ANKS1B: variants seen among roughly 807,000 people sequenced by gnomAD.
The protein encoded by ANKS1B is ankyrin repeat and sterile alpha motif domain containing 1B.
Under a neutral mutation model 148.3 loss-of-function variants are expected in ANKS1B, and 36 were observed. That is an observed-to-expected ratio of 0.24 (90% CI 0.19 to 0.32). The LOEUF (loss-of-function observed/expected upper bound fraction) is 0.32. ANKS1B is among the 10% of genes least tolerant of loss of function. The pLI, the probability that ANKS1B is intolerant of heterozygous loss-of-function variation, is 1.00. For missense variants in ANKS1B, 1,157 were observed against 1,542.6 expected, an observed-to-expected ratio of 0.75 and a Z score of 4.19; for synonymous variants, 542 against 560.8, an observed-to-expected ratio of 0.97 and a Z score of 0.47.
At chr12:99,572,623 TCAGC>T (rs1482474283) in intron 9 of ANKS1B, among the ~76,000 whole-genome samples, 2 of 152,138 alleles carry the variant, frequency 1.3e-5, no homozygotes, top group Non-Finnish European at 2.9e-5. Flanking sequence ...TGTGGGCTAT[TCAGC>T]AGGGAAACTA....
intron 17 of ANKS1B, among the ~76,000 whole-genome samples, chr12:98,879,995 C>A (rs1005970086): frequency 6.6e-6 from 1 of 152,080 alleles, no homozygotes; most frequent in African/African-American, 2.4e-5. Flanking sequence ...TCTTCCTTTG[C>A]ACAGTAGGAA....
chr12:99,653,650 A>ACATTTTTTT (rs2098435854), intron 9 of ANKS1B, among the ~76,000 whole-genome samples: 1 of 149,490 alleles, frequency 6.7e-6, no homozygotes, highest in Non-Finnish European at 1.5e-5. Flanking sequence ...GATAAAGAAG[A>ACATTTTTTT]CATTTTTTTC....
intron 11 of ANKS1B, among the ~76,000 whole-genome samples, chr12:99,416,041 C>T (rs139321946): frequency 6.6e-6 from 1 of 152,284 alleles, no homozygotes; most frequent in Non-Finnish European, 1.5e-5. Flanking sequence ...ACCTTAACTC[C>T]TGGTAACTAC....
Position 99,754,627 on chromosome 12 carries a change from C to T in ANKS1B, c.1128+18295G>A, listed in dbSNP as rs143096636. On this transcript the variant is annotated intron_variant, in intron 8 of 26. Transcript: ENST00000683438. ...ACACACCTTGGCAAATGCAAAAGAA[C>T]TGAAAATCATAACAAACAGTCTCTC... Among the ~76,000 whole-genome samples the T allele has an allele frequency of 2.0e-4, 31 of 152,198 alleles. No individual in the cohort carries two copies. The East Asian group carries it at 3.9e-3, about 19-fold the overall frequency.
At chr12:99,462,922 T>C (rs1037744622) in intron 10 of ANKS1B, among the ~76,000 whole-genome samples, 3 of 152,198 alleles carry the variant, frequency 2.0e-5, no homozygotes, top group African/African-American at 7.2e-5. Context: ...CCTTCCACCA[T>C]GAGTAAAGGT....
intron 1 of ANKS1B, among the ~76,000 whole-genome samples, chr12:99,933,847 C>T (rs970832220): frequency 1.1e-4 from 17 of 151,970 alleles, no homozygotes; most frequent in Admixed American, 7.9e-4. Flanking sequence ...TCCATTTTTC[C>T]CCATTCAGTA....
At chr12:99,647,603 TG>T (rs2098383133) in intron 9 of ANKS1B, 1 of 151,998 alleles carries the variant, frequency 6.6e-6, no homozygotes, top group Non-Finnish European at 1.4e-5. Flanking sequence ...TGCTGAGCTG[TG>T]GAGGGCGGTG....
intron 12 of ANKS1B, among the ~76,000 whole-genome samples, chr12:99,338,102 C>T (rs1161458159): frequency 6.6e-6 from 1 of 152,150 alleles, no homozygotes; most frequent in African/African-American, 2.4e-5. Flanking sequence ...GGCTTGTGTA[C>T]TTCCCTTCAG....
chr12:99,037,969 C>G (rs1327977109), intron 17 of ANKS1B, among the ~76,000 whole-genome samples: 1 of 152,158 alleles, frequency 6.6e-6, no homozygotes, highest in Admixed American at 6.5e-5. Context: ...AAGGGCACAC[C>G]TCTATTCCCC....
intron 8 of ANKS1B, among the ~76,000 whole-genome samples, chr12:99,738,232 A>C (rs1415787333): frequency 6.6e-6 from 1 of 152,166 alleles, no homozygotes; most frequent in African/African-American, 2.4e-5. Flanking sequence ...ACTACTTTTT[A>C]CCAAACTCCT....
intron 20 of ANKS1B, among the ~76,000 whole-genome samples, chr12:98,806,703 T>C (rs2099053448): frequency 6.6e-6 from 1 of 152,206 alleles, no homozygotes; most frequent in South Asian, 2.1e-4. Context: ...CAGGATGTTG[T>C]AGTTGTTCTT....
At chr12:99,786,897 A>T (rs2065063336) in intron 4 of ANKS1B, among the ~76,000 whole-genome samples, 1 of 152,230 alleles carries the variant, frequency 6.6e-6, no homozygotes, top group South Asian at 2.1e-4. Context: ...ACAAAAGAAT[A>T]AAACTCACAA....
In ANKS1B at chr12:99,611,698, T is replaced by C. The variant is rs149746090; in HGVS notation, c.1272+43369A>G. Reference sequence around the variant, plus strand: ...TATTTTTAATGCCCATTTGAGATTTTTTAGAAATAATAGAGCTTTTATGCA... The same window carrying C: ...TATTTTTAATGCCCATTTGAGATTTCTTAGAAATAATAGAGCTTTTATGCA... On this transcript the variant is annotated intron_variant, in intron 9 of 26. Coordinates refer to ENST00000683438, the MANE Select transcript of ANKS1B (RefSeq NM_001352186.2). 7.7e-3 allele frequency among the ~76,000 whole-genome samples: 1,177 copies of C among 152,190 alleles called. 21 individuals are homozygous for C. The highest frequency in any genetic ancestry group is 0.017 in the Middle Eastern group (5 of 294).
At chr12:99,074,146 A>T (rs991475739) in intron 16 of ANKS1B, among the ~76,000 whole-genome samples, 3 of 152,182 alleles carry the variant, frequency 2.0e-5, no homozygotes, top group African/African-American at 7.2e-5. Context: ...ACTGTTCTTT[A>T]TTAAATGGGG....
chr12:99,073,362 C>T (rs2046853857), intron 16 of ANKS1B, among the ~76,000 whole-genome samples: 1 of 152,320 alleles, frequency 6.6e-6, no homozygotes, highest in South Asian at 2.1e-4. Context: ...GTTTAATGCT[C>T]TAAAGATGTG....
In ANKS1B at chr12:99,101,389, T is replaced by TA. The variant is rs1430351751; in HGVS notation, c.2527-16367dup. 2.0e-5 allele frequency among the ~76,000 whole-genome samples: 3 copies of TA among 152,188 alleles called. No homozygotes were observed. The East Asian group carries it at 5.8e-4, about 29-fold the overall frequency. Reference sequence around the variant, plus strand: ...AGCAGCAGCAGGAATGGTGATGTATTAAAGAAATACTATAGAGCCAAAACT... The same window carrying TA: ...AGCAGCAGCAGGAATGGTGATGTATTAAAAGAAATACTATAGAGCCAAAACT... On this transcript the variant is annotated intron_variant, in intron 15 of 26. Coordinates refer to ENST00000683438, the MANE Select transcript of ANKS1B (RefSeq NM_001352186.2).
chr12:99,791,082 A>T (rs1487119244), intron 4 of ANKS1B, among the ~76,000 whole-genome samples: 4 of 152,070 alleles, frequency 2.6e-5, no homozygotes, highest in Non-Finnish European at 5.9e-5. Flanking sequence ...GGATGAAAAA[A>T]GTATTCCATG....
At chr12:99,429,509 T>A (rs1296789430) in intron 11 of ANKS1B, among the ~76,000 whole-genome samples, 3 of 152,238 alleles carry the variant, frequency 2.0e-5, no homozygotes, top group African/African-American at 7.2e-5. Flanking sequence ...ACTAGAAGAA[T>A]GTATGATTCT....
At chr12:99,186,889 AG>A (rs1182350265) in intron 14 of ANKS1B, among the ~76,000 whole-genome samples, 1 of 151,986 alleles carries the variant, frequency 6.6e-6, no homozygotes, top group Non-Finnish European at 1.5e-5. Context: ...ACGAATTGAC[AG>A]AAGTAGGCTT....
Sources: allele counts gnomAD v4.1 joint callset (sites outside exome capture counted in the v4.1 genomes callset), GRCh38; gene constraint gnomAD v4.1.1; transcripts MANE v1.5; gene names NCBI Gene and HGNC (gene_info 2026-07-23, HGNC 2026-07-21).